SYT7: variants seen among roughly 807,000 people sequenced by gnomAD.
SYT7 encodes the protein synaptotagmin-7.
Under a neutral mutation model 75.1 loss-of-function variants are expected in SYT7, and 29 were observed. The ratio of observed to expected loss-of-function variants is 0.39; its 90% CI spans 0.29 to 0.53. SYT7 has a LOEUF of 0.53. Ranked by LOEUF, SYT7 falls within the 20% of genes least tolerant of loss-of-function variation. The pLI is 0.77. For missense variants in SYT7, 693 were observed against 953.2 expected, an observed-to-expected ratio of 0.73 and a Z score of 3.59; for synonymous variants, 376 against 401.7, an observed-to-expected ratio of 0.94 and a Z score of 0.76.
chr11:61,530,690 AGGTCCCTCT>A (rs2062678642), intron 8 of SYT7: 1 of 620,618 alleles, frequency 1.6e-6, no homozygotes, highest in African/African-American at 2.0e-5. Flanking sequence ...GCCCCACCTG[AGGTCCCTCT>A]GGTCCCTTGG....
chr11:61,578,957 G>C (rs1408740034), intron 1 of SYT7, among the ~76,000 whole-genome samples: 1 of 152,218 alleles, frequency 6.6e-6, no homozygotes, highest in Non-Finnish European at 1.5e-5. Context: ...GCACACCAGG[G>C]ATGGTACTGG....
In SYT7 at chr11:61,518,298, C is replaced by T; in HGVS notation, c.*329G>A. ...GCCTTAAAGAAAATGGGGGACCATG[C>T]CCACCTGGCGGGCCTCTGGAGGGGT... is the stretch of plus-strand genomic sequence containing the variant. On this transcript the variant is annotated 3_prime_UTR_variant, in exon 13 of 13. Coordinates refer to ENST00000539008, the MANE Select transcript of SYT7 (RefSeq NM_001365809.2). The T allele has an allele frequency of 4.2e-6, 1 of 237,954 alleles. No individual in the cohort carries two copies. The highest frequency in any genetic ancestry group is 8.1e-6 in the Non-Finnish European group (1 of 123,484). The allele number at this position is 237,954 out of a possible 1,614,324, so 14.7% of individuals were successfully genotyped here. A position where few individuals can be genotyped will look rare whatever the true frequency, so the allele number is the denominator to read the frequency against.
At chr11:61,545,713 G>T (rs1010541823) in intron 5 of SYT7, among the ~76,000 whole-genome samples, 5 of 152,196 alleles carry the variant, frequency 3.3e-5, no homozygotes, top group African/African-American at 7.2e-5. Flanking sequence ...GAGATGGGGG[G>T]GCCAATCAAA....
At chr11:61,532,923 C>G in intron 8 of SYT7, 66 bp downstream of exon 8, 5 of 1,594,720 alleles carry the variant, frequency 3.1e-6, no homozygotes, top group Non-Finnish European at 3.4e-6. Flanking sequence ...ACACACATCC[C>G]TCTTCTTCCT....
At chr11:61,554,358 C>A (rs2063433460) in intron 2 of SYT7, among the ~76,000 whole-genome samples, 1 of 152,080 alleles carries the variant, frequency 6.6e-6, no homozygotes, top group South Asian at 2.1e-4. Flanking sequence ...GAGGGTGGGG[C>A]AGACCCCAGC....
Position 61,517,841 on chromosome 11 carries a change from A to C in SYT7, c.*786T>G. 17 of 234,596 alleles carry C rather than the reference A, an allele frequency of 7.2e-5. No homozygotes were observed. Among genetic ancestry groups the C allele is most frequent in the Non-Finnish European group, 1.1e-4 (13 of 122,506 alleles). The allele number at this position is 234,596 out of a possible 1,614,324, so 14.5% of individuals were successfully genotyped here. A position where few individuals can be genotyped will look rare whatever the true frequency, so the allele number is the denominator to read the frequency against. On this transcript the variant is annotated 3_prime_UTR_variant, in exon 13 of 13. Coordinates refer to ENST00000539008, the MANE Select transcript of SYT7 (RefSeq NM_001365809.2). The stretch of plus-strand genomic sequence containing the variant: ...GAGCAGAGGGGGGCACCAAGGGGAG[A>C]AGGGGAGGAGACGGGGGGATGGCAG...
Position 61,518,578 on chromosome 11 carries a change from C to T in SYT7, c.*49G>A, listed in dbSNP as rs1326472037. 1 of 1,362,632 alleles carries T rather than the reference C, an allele frequency of 7.3e-7. No homozygotes were observed. Among genetic ancestry groups the T allele is most frequent in the Admixed American group, 2.2e-5 (1 of 45,492 alleles). 84.4% of individuals were successfully genotyped at this position (1,362,632 alleles called of 1,614,324 possible). ...GGCGTTGTGCATAAAGTGGTGAGGG[C>T]ATGATGGGGACCTGGGCCCTCGGCC... On this transcript the variant is annotated 3_prime_UTR_variant, in exon 13 of 13. Coordinates refer to ENST00000539008, the MANE Select transcript of SYT7 (RefSeq NM_001365809.2).
the SYT7 span, among the ~76,000 whole-genome samples, chr11:61,587,759 C>A: frequency 6.6e-6 from 1 of 152,254 alleles, no homozygotes; most frequent in Non-Finnish European, 1.5e-5. Context: ...TCTTTCTCTG[C>A]AACTTGGACG....
At position 61,524,534 on chromosome 11, in the gene SYT7, TG is replaced by T. The variant is rs1167264092; in HGVS notation, c.1472-3del. The T allele has an allele frequency of 1.3e-6, 2 of 1,583,092 alleles. No homozygotes were observed. Among genetic ancestry groups the T allele is most frequent in the South Asian group, 1.2e-5 (1 of 84,702 alleles). ...GCACCACCTTCTCATAGGGAAAACCTGGGGGTATAGATGAGTGTGAGTGAAG... is the reference window on the plus strand; with the variant it reads ...GCACCACCTTCTCATAGGGAAAACCTGGGGTATAGATGAGTGTGAGTGAAG... On this transcript the variant is annotated splice_region_variant and splice_polypyrimidine_tract_variant and intron_variant, in intron 9 of 12. Coordinates refer to ENST00000539008, the MANE Select transcript of SYT7 (RefSeq NM_001365809.2). The surrounding 1 kb of genome is among the most constrained non-coding windows in gnomAD (Gnocchi z 4.1).
At position 61,551,801 on chromosome 11, in the gene SYT7, C is replaced by T. The variant is rs912125884; in HGVS notation, c.136-338G>A. On this transcript the variant is annotated intron_variant, in intron 2 of 12. Coordinates refer to ENST00000539008, the MANE Select transcript of SYT7 (RefSeq NM_001365809.2). This position sits in a 1 kb window ranked among gnomAD's most constrained non-coding sequence, Gnocchi z 5.3. ...CACAGTTCCCTCTGCCACGGACAGA[C>T]GGCTCTCAGGCGCCTGGCCACGTCA... is the stretch of plus-strand genomic sequence containing the variant. Among the ~76,000 whole-genome samples, 8 of 152,182 alleles carry T rather than the reference C, an allele frequency of 5.3e-5. No homozygotes were observed. The highest frequency in any genetic ancestry group is 2.1e-4 in the South Asian group (1 of 4,830).
intron 2 of SYT7, among the ~76,000 whole-genome samples, chr11:61,555,772 C>CGTGTGT (rs111623304): frequency 5.3e-5 from 8 of 151,006 alleles, no homozygotes; most frequent in African/African-American, 1.5e-4. Context: ...GGAGGCAGGG[C>CGTGTGT]GTGTGTGTGT....
rs139233658 is a variant in SYT7 at position 61,524,710 on chromosome 11, C to A, written c.1472-178G>T. 222 of 565,826 alleles carry A rather than the reference C, an allele frequency of 3.9e-4. 1 individual carries two copies. Among genetic ancestry groups the A allele is most frequent in the Middle Eastern group, 2.2e-3 (5 of 2,226 alleles). The allele number at this position is 565,826 out of a possible 1,614,324, so 35.1% of individuals were successfully genotyped here. ...TTACTGAAGTGCTAGCAAGAACTGT[C>A]ACCGTCTCATGGGATTCCCTCAACA... On this transcript the variant is annotated intron_variant, in intron 9 of 12. Transcript: ENST00000539008. The surrounding 1 kb of genome is among the most constrained non-coding windows in gnomAD (Gnocchi z 4.1).
chr11:61,554,489 C>T (rs1180390093), intron 2 of SYT7, among the ~76,000 whole-genome samples: 1 of 152,056 alleles, frequency 6.6e-6, no homozygotes, highest in Non-Finnish European at 1.5e-5. Flanking sequence ...GCACCAATAC[C>T]CTCAAAGTCA....
Position 61,517,340 on chromosome 11 carries a change from T to C in SYT7, c.*1287A>G, listed in dbSNP as rs2062173653. The stretch of plus-strand genomic sequence containing the variant: ...TGTGGCAACCTCAGAACTCACAGAA[T>C]CCTGGTCTTTTCCCTGCCTCCTTTC... On this transcript the variant is annotated 3_prime_UTR_variant, in exon 13 of 13. Coordinates refer to ENST00000539008, the MANE Select transcript of SYT7 (RefSeq NM_001365809.2). 1 of 398,536 alleles carries C rather than the reference T, an allele frequency of 2.5e-6. No homozygotes were observed. The highest frequency in any genetic ancestry group is 4.4e-5 in the Admixed American group (1 of 22,716). The allele number at this position is 398,536 out of a possible 1,614,324, so 24.7% of individuals were successfully genotyped here.
intron 1 of SYT7, among the ~76,000 whole-genome samples, chr11:61,570,967 G>A (rs888719879): frequency 2.2e-4 from 34 of 152,268 alleles, no homozygotes; most frequent in African/African-American, 8.2e-4. Context: ...TTAACTCATC[G>A]AATTTTCCCA....
chr11:61,545,857 C>T (rs1482495425), intron 5 of SYT7, among the ~76,000 whole-genome samples, 174 bp downstream of exon 5: 2 of 152,146 alleles, frequency 1.3e-5, no homozygotes, highest in Admixed American at 6.5e-5. Context: ...TGGCTGAGTT[C>T]GTCGTGCCAG....
intron 1 of SYT7, among the ~76,000 whole-genome samples, chr11:61,562,077 TAC>T (rs145868426): frequency 1.3e-5 from 2 of 151,172 alleles, no homozygotes; most frequent in Admixed American, 6.6e-5. Context: ...CGCACGCACG[TAC>T]ACACACACAC....
chr11:61,521,256 C>A (rs919222161), intron 12 of SYT7, among the ~76,000 whole-genome samples: 3 of 152,204 alleles, frequency 2.0e-5, no homozygotes, highest in Admixed American at 1.3e-4. Context: ...CCGTAAGTTA[C>A]CAGGCCAAAG....
rs927695083 is a variant in SYT7, at chr11:61,551,061, G to A, written c.215+323C>T. 9.2e-5 allele frequency among the ~76,000 whole-genome samples: 14 copies of A among 152,140 alleles called. No individual in the cohort carries two copies. Among genetic ancestry groups the A allele is most frequent in the East Asian group, 1.9e-4 (1 of 5,176 alleles). On this transcript the variant is annotated intron_variant, in intron 3 of 12. Coordinates refer to ENST00000539008, the MANE Select transcript of SYT7 (RefSeq NM_001365809.2). The surrounding 1 kb of genome is among the most constrained non-coding windows in gnomAD (Gnocchi z 5.3). Reference sequence around the variant, plus strand: ...GGCTTGGAGGTCCAGGGAAGCCGGCGGGTGGTGGGCACAGTGTGTGTGATA... The same window carrying A: ...GGCTTGGAGGTCCAGGGAAGCCGGCAGGTGGTGGGCACAGTGTGTGTGATA...
Sources: gnomAD v4.1 joint callset for allele counts (sites outside exome capture counted in the v4.1 genomes callset) on GRCh38, gnomAD v4.1.1 for gene constraint, Gnocchi (gnomAD v3.1) non-coding constraint, MANE v1.5 for transcripts, NCBI Gene and HGNC (gene_info 2026-07-23, HGNC 2026-07-21) for gene names.